Variants in LLGL2 observed in about 807,000 individuals in gnomAD.
LLGL2 encodes LLGL scribble cell polarity complex component 2.
LLGL2 carries 81 observed loss-of-function variants against 123.2 expected under a neutral mutation model. That is an observed-to-expected ratio of 0.66 (90% CI 0.55 to 0.79). The LOEUF (loss-of-function observed/expected upper bound fraction) is 0.79. Ranked by LOEUF, LLGL2 falls within the 30% of genes least tolerant of loss-of-function variation. The pLI is 0.00. For synonymous variants in LLGL2, 577 were observed against 594.1 expected, an observed-to-expected ratio of 0.97 and a Z score of 0.42; for missense variants, 1,273 against 1,414.6, an observed-to-expected ratio of 0.90 and a Z score of 1.61.
intron 2 of LLGL2, among the ~76,000 whole-genome samples, chr17:75,545,302 C>T (rs1045223008): frequency 6.6e-6 from 1 of 152,156 alleles, no homozygotes; most frequent in Non-Finnish European, 1.5e-5. Flanking sequence ...CTTCTTCTTT[C>T]CATTCATATG....
At chr17:75,569,831 TG>T in intron 14 of LLGL2, 131 bp from the exon 15 acceptor site, 1 of 872,442 alleles carries the variant, frequency 1.1e-6, no homozygotes, top group Non-Finnish European at 1.7e-6. Context: ...GCAGGAGAGC[TG>T]GGGTTGGACA....
In LLGL2 at chr17:75,564,852, G is replaced by C; in HGVS notation, c.1036+345G>C. The C allele has an allele frequency of 1.2e-5, 2 of 170,248 alleles. No individual in the cohort carries two copies. The highest frequency in any genetic ancestry group is 2.3e-5 in the Non-Finnish European group (2 of 87,308). 10.5% of individuals were successfully genotyped at this position (170,248 alleles called of 1,614,324 possible). ...GTACTCAGCCTGGGTGACATAGCCA[G>C]ACTGTGTCTCAAAAAAAAAAAAAAA... On this transcript the variant is annotated intron_variant, in intron 10 of 25. Transcript: ENST00000392550. The surrounding 1 kb of genome is among the most constrained non-coding windows in gnomAD (Gnocchi z 4.9).
Position 75,563,109 on chromosome 17 carries a change from C to T in LLGL2, c.624C>T (p.Tyr208=), listed in dbSNP as rs776277690. The stretch of plus-strand genomic sequence containing the variant: ...ACCCCAACCAGATCCTGATCGGCTA[C>T]AGCCGAGGCCTCGTTGTCATCTGGG... The part of the protein sequence containing the change: ...PRDPNQILIG[Y]SRGLVVIWDL... Residue 208 remains tyrosine, a synonymous_variant, in exon 7 of 26, where the codon TAC becomes TAT. Coordinates refer to ENST00000392550, the MANE Select transcript of LLGL2 (RefSeq NM_001031803.2). 9.9e-6 allele frequency: 16 copies of T among 1,613,046 alleles called. No homozygotes were observed. In the South Asian group the frequency reaches 1.1e-4, roughly 11 times the overall value.
rs146711859 is a variant in LLGL2, at chr17:75,569,100, A to G, written c.1445A>G (p.Gln482Arg). Residue 482 changes from glutamine (Q) to arginine (R), a missense_variant, in exon 13 of 26, where the codon CAG becomes CGG. Physicochemically the swap from Gln to Arg is conservative, Grantham distance 43. Transcript: ENST00000392550. Reference protein sequence around the residue: ...DTDPNENFSAQGEDEWPPLRK... With the variant: ...DTDPNENFSARGEDEWPPLRK... ...GACCCCAACGAGAACTTCAGTGCCC[A>G]GGGCGAGGACGAGTGGCCCCCACTC... The G allele has an allele frequency of 5.9e-5, 95 of 1,613,362 alleles. No individual in the cohort carries two copies. In the African/African-American group the frequency reaches 1.1e-3, roughly 19 times the overall value.
intron 2 of LLGL2, among the ~76,000 whole-genome samples, chr17:75,553,832 C>T (rs2054784490): frequency 6.6e-6 from 1 of 152,132 alleles, no homozygotes; most frequent in Admixed American, 6.5e-5. Context: ...ACAATTCTAT[C>T]CCTGGGACAT....
chr17:75,538,208 T>G (rs970585635), intron 1 of LLGL2, among the ~76,000 whole-genome samples: 1 of 152,000 alleles, frequency 6.6e-6, no homozygotes, highest in Non-Finnish European at 1.5e-5. Flanking sequence ...GCTGAGTAGA[T>G]GGAGCAGCCA....
chr17:75,567,471 T>A (rs1327090510), intron 10 of LLGL2, among the ~76,000 whole-genome samples: 1 of 140,454 alleles, frequency 7.1e-6, no homozygotes, highest in African/African-American at 2.7e-5. Context: ...TCTCAAAAAA[T>A]AAAAAAGAAA....
At chr17:75,542,441 C>T (rs1432621810) in intron 1 of LLGL2, among the ~76,000 whole-genome samples, 2 of 152,104 alleles carry the variant, frequency 1.3e-5, no homozygotes, top group East Asian at 1.9e-4. Flanking sequence ...CTGTGTTTCC[C>T]AAGGACGGGC....
intron 2 of LLGL2, among the ~76,000 whole-genome samples, chr17:75,553,458 A>G (rs982858557): frequency 1.2e-4 from 19 of 152,214 alleles, no homozygotes; most frequent in African/African-American, 4.6e-4. Context: ...GGAGGCAGGT[A>G]GCAATTGGGT....
At chr17:75,525,568 C>T (rs541110704), upstream of LLGL2, among the ~76,000 whole-genome samples, 3 of 150,862 alleles carry the variant, frequency 2.0e-5, no homozygotes, top group African/African-American at 7.3e-5. The surrounding 1 kb of genome is among the most constrained non-coding windows in gnomAD (Gnocchi z 4.8). Context: ...TTGGCAGGAG[C>T]GCAGCCCCCA....
At chr17:75,545,614 G>A (rs1255083266) in intron 2 of LLGL2, among the ~76,000 whole-genome samples, 1 of 152,202 alleles carries the variant, frequency 6.6e-6, no homozygotes, top group East Asian at 1.9e-4. Context: ...AGGCTGTGAA[G>A]CAGGGAGGCT....
intron 1 of LLGL2, among the ~76,000 whole-genome samples, chr17:75,534,664 T>C (rs2053934661): frequency 6.6e-6 from 1 of 152,134 alleles, no homozygotes; most frequent in Non-Finnish European, 1.5e-5. Flanking sequence ...AGTTTTTTGC[T>C]GAGACAAGGT....
chr17:75,563,107 T>C lies in LLGL2; in HGVS notation c.622T>C (p.Tyr208His). ...PRDPNQILIG[Y>H]SRGLVVIWDL... ...AGACCCCAACCAGATCCTGATCGGC[T>C]ACAGCCGAGGCCTCGTTGTCATCTG... Residue 208 changes from tyrosine to histidine, a missense_variant, in exon 7 of 26, where the codon TAC becomes CAC. Physicochemically the swap from Tyr to His is moderately conservative, Grantham distance 83 (BLOSUM62 2). Transcript: ENST00000392550. 6.2e-7 allele frequency: 1 copy of C among 1,613,198 alleles called. No homozygotes were observed. The highest frequency in any genetic ancestry group is 8.5e-7 in the Non-Finnish European group (1 of 1,180,030).
chr17:75,538,025 A>C (rs1291436142), intron 1 of LLGL2, among the ~76,000 whole-genome samples: 1 of 152,106 alleles, frequency 6.6e-6, no homozygotes, highest in Admixed American at 6.5e-5. Flanking sequence ...TGGCCAAGCT[A>C]GTCTCAAACT....
intron 2 of LLGL2, among the ~76,000 whole-genome samples, chr17:75,555,186 A>G (rs538961632): frequency 9.2e-4 from 140 of 152,220 alleles, no homozygotes; most frequent in African/African-American, 3.3e-3. Flanking sequence ...CAAAAAAAAA[A>G]AAAATAGACC....
chr17:75,531,446 G>T (rs1272130669), intron 1 of LLGL2, among the ~76,000 whole-genome samples: 1 of 152,238 alleles, frequency 6.6e-6, no homozygotes, highest in Non-Finnish European at 1.5e-5. Flanking sequence ...AGAGACCAAT[G>T]TTCTTTCTCC....
intron 1 of LLGL2, among the ~76,000 whole-genome samples, chr17:75,531,512 C>T (rs917748004): frequency 3.9e-5 from 6 of 152,264 alleles, no homozygotes; most frequent in Non-Finnish European, 8.8e-5. Context: ...CCTCAATCCT[C>T]AACTCTGAGA....
intron 23 of LLGL2, 71 bp downstream of exon 23, chr17:75,574,331 G>A: frequency 6.6e-7 from 1 of 1,526,234 alleles, no homozygotes. Flanking sequence ...AGGGAGGCTG[G>A]GCAGGCCACT....
intron 14 of LLGL2, 28 bp downstream of exon 14, chr17:75,569,353 C>A: frequency 6.4e-7 from 1 of 1,572,178 alleles, no homozygotes; most frequent in Non-Finnish European, 8.7e-7. Flanking sequence ...GGAGGGGGAG[C>A]TGGGGAGGAG....
Sources: allele counts gnomAD v4.1 joint callset (sites outside exome capture counted in the v4.1 genomes callset), GRCh38; gene constraint gnomAD v4.1.1; non-coding constraint Gnocchi (gnomAD v3.1); transcripts MANE v1.5; gene names NCBI Gene and HGNC (gene_info 2026-07-23, HGNC 2026-07-21).